Variants in PTPRQ observed in about 807,000 individuals in gnomAD.
PTPRQ encodes protein tyrosine phosphatase receptor type Q.
In PTPRQ, 199 loss-of-function variants were observed where a neutral mutation model predicts 246.0. That is an observed-to-expected ratio of 0.81 (90% CI 0.72 to 0.91). The LOEUF is 0.91. Among genes scored for constraint, PTPRQ ranks in the 40% least tolerant of loss-of-function variants. The pLI is 0.00. For synonymous variants in PTPRQ, 869 were observed against 853.2 expected (o/e 1.02, Z -0.32); for missense variants, 2,624 against 2,528.4 (o/e 1.04, Z -0.81).
At chr12:80,584,883 A>T in intron 25 of PTPRQ, among the ~76,000 whole-genome samples, 1 of 151,892 alleles carries the variant, frequency 6.6e-6, no homozygotes, top group East Asian at 1.9e-4. Context: ...ATAAATTTAC[A>T]TTTTTTTTCC....
At chr12:80,457,678 A>T (rs1893021974) in intron 4 of PTPRQ, 34 bp downstream of exon 4, 1 of 399,900 alleles carries the variant, frequency 2.5e-6, no homozygotes, top group Non-Finnish European at 4.4e-6. Context: ...AAATTGACTT[A>T]GTCATGAGTT....
chr12:80,478,749 T>A (rs539879681), intron 8 of PTPRQ, among the ~76,000 whole-genome samples: 32 of 152,152 alleles, frequency 2.1e-4, no homozygotes, highest in Non-Finnish European at 3.7e-4. Context: ...CAGGAGCCGA[T>A]GCGATCAACT....
At chr12:80,493,111 C>T (rs939942769) in intron 9 of PTPRQ, among the ~76,000 whole-genome samples, 164 bp from the exon 10 acceptor site, 7 of 151,776 alleles carry the variant, frequency 4.6e-5, no homozygotes, top group Non-Finnish European at 7.4e-5. Flanking sequence ...TATTAGTAGC[C>T]GGAGAATGAA....
intron 9 of PTPRQ, among the ~76,000 whole-genome samples, chr12:80,492,137 C>A (rs936787576): frequency 6.6e-6 from 1 of 151,860 alleles, no homozygotes; most frequent in Non-Finnish European, 1.5e-5. Flanking sequence ...TAATAAGCCT[C>A]CATATACCTG....
chr12:80,548,814 T>C (rs971606785), intron 24 of PTPRQ, among the ~76,000 whole-genome samples: 5 of 152,062 alleles, frequency 3.3e-5, no homozygotes, highest in African/African-American at 9.7e-5. Context: ...GGCTAGGATA[T>C]TGTTCTTTGA....
Position 80,620,223 on chromosome 12 carries a change from A to G in PTPRQ, c.5459A>G (p.Asn1820Ser). 6.5e-7 allele frequency: 1 copy of G among 1,549,336 alleles called. No individual in the cohort carries two copies. The highest frequency in any genetic ancestry group is 8.7e-7 in the Non-Finnish European group (1 of 1,145,374). Residue 1820 changes from asparagine (N) to serine (S), a missense_variant, in exon 32 of 45, where the codon AAT becomes AGT. Asn to Ser is a conservative substitution (Grantham distance 46, BLOSUM62 1). Transcript: ENST00000644991. ...YFNKARPYFT[N>S]EGFPNPPCTE... ...AATAAAGCAAGGCCATATTTTACAA[A>G]TGAAGGCTTTCCTAACCCTCCATGT...
intron 7 of PTPRQ, among the ~76,000 whole-genome samples, chr12:80,470,002 T>C (rs908306444): frequency 6.6e-6 from 1 of 152,216 alleles, no homozygotes; most frequent in African/African-American, 2.4e-5. Flanking sequence ...ACAATGGGTG[T>C]AGAAATTCTT....
intron 37 of PTPRQ, among the ~76,000 whole-genome samples, 162 bp from the exon 38 acceptor site, chr12:80,652,581 GT>G (rs1009418860): frequency 3.3e-5 from 5 of 151,954 alleles, no homozygotes; most frequent in African/African-American, 1.2e-4. Flanking sequence ...GAAAGCCTAG[GT>G]AAACTCATTA....
intron 33 of PTPRQ, among the ~76,000 whole-genome samples, chr12:80,631,268 C>T (rs1899423170): frequency 6.6e-6 from 1 of 151,832 alleles, no homozygotes; most frequent in Non-Finnish European, 1.5e-5. Flanking sequence ...GGCTTGATAC[C>T]TGGTTGATGA....
intron 14 of PTPRQ, among the ~76,000 whole-genome samples, chr12:80,504,341 A>G (rs1215947326): frequency 2.0e-5 from 3 of 151,700 alleles, no homozygotes; most frequent in East Asian, 1.9e-4. Flanking sequence ...CAGAAGGTCT[A>G]TCTTGTTCTC....
At chr12:80,444,674 G>T (rs1892498692) in intron 1 of PTPRQ, 67 bp from the exon 2 acceptor site, 2 of 1,186,024 alleles carry the variant, frequency 1.7e-6, no homozygotes, top group African/African-American at 3.0e-5. Flanking sequence ...TATAGTGATA[G>T]ATTTATTTTA....
chr12:80,652,292 T>G (rs1037658190), intron 37 of PTPRQ, among the ~76,000 whole-genome samples: 2 of 152,118 alleles, frequency 1.3e-5, no homozygotes, highest in Non-Finnish European at 2.9e-5. Context: ...GGAATTGACC[T>G]CTGGCATCTT....
chr12:80,471,670 G>C (rs1376260996), intron 7 of PTPRQ, among the ~76,000 whole-genome samples: 1 of 147,248 alleles, frequency 6.8e-6, no homozygotes, highest in Non-Finnish European at 1.5e-5. Context: ...GTAGAGACGG[G>C]GTTTCACCGT....
chr12:80,494,107 T>C (rs898330083), intron 10 of PTPRQ, among the ~76,000 whole-genome samples: 1 of 152,062 alleles, frequency 6.6e-6, no homozygotes, highest in African/African-American at 2.4e-5. Context: ...AGTGTTATTC[T>C]ATTTATGGTA....
intron 20 of PTPRQ, 101 bp from the exon 21 acceptor site, chr12:80,541,454 G>A (rs1007298527): frequency 1.2e-6 from 1 of 854,774 alleles, no homozygotes; most frequent in Non-Finnish European, 1.6e-6. Context: ...AAGAGCTGAT[G>A]ATGTAATAGT....
intron 29 of PTPRQ, among the ~76,000 whole-genome samples, chr12:80,614,758 A>G (rs1391718134): frequency 6.7e-6 from 1 of 150,192 alleles, no homozygotes; most frequent in Non-Finnish European, 1.5e-5. Flanking sequence ...GCTTTATCAA[A>G]TCTGAGCCCA....
chr12:80,593,722 C>T (rs1216626984), intron 26 of PTPRQ: 1 of 151,920 alleles, frequency 6.6e-6, no homozygotes, highest in East Asian at 1.9e-4. Context: ...TTCTGATTAT[C>T]CTTAAAGTCA....
At chr12:80,466,326 A>C (rs1283949291) in intron 6 of PTPRQ, among the ~76,000 whole-genome samples, 3 of 152,192 alleles carry the variant, frequency 2.0e-5, no homozygotes, top group Admixed American at 1.3e-4. Flanking sequence ...TTCAAGGAGA[A>C]GTACAAACCA....
chr12:80,652,980 A>G, intron 38 of PTPRQ, 146 bp downstream of exon 38: 1 of 1,019,572 alleles, frequency 9.8e-7, no homozygotes, highest in Non-Finnish European at 1.3e-6. Flanking sequence ...CAAATTATAT[A>G]TCTTTTGCTT....
Sources: gnomAD v4.1 joint callset for allele counts (sites outside exome capture counted in the v4.1 genomes callset) on GRCh38, gnomAD v4.1.1 for gene constraint, MANE v1.5 for transcripts, NCBI Gene and HGNC (gene_info 2026-07-23, HGNC 2026-07-21) for gene names.